KCNMA1: variants seen among roughly 807,000 people sequenced by gnomAD.
The protein encoded by KCNMA1 is Calcium-activated potassium channel subunit alpha-1.
In KCNMA1, 29 loss-of-function variants were observed where a neutral mutation model predicts 140.0. The observed-to-expected ratio is 0.21, with a 90% CI of 0.15 to 0.28. The LOEUF (loss-of-function observed/expected upper bound fraction) is 0.28, where lower values mean the gene tolerates loss of function less well. KCNMA1 is among the 10% of genes least tolerant of loss of function. The probability of loss-of-function intolerance (pLI) is 1.00; values close to 1 mark genes in which losing one functional copy is unlikely to be tolerated. For synonymous variants in KCNMA1, 612 were observed against 611.9 expected, an observed-to-expected ratio of 1.00 and a Z score of 0.00; for missense variants, 880 against 1,602.2, an observed-to-expected ratio of 0.55 and a Z score of 7.70.
chr10:77,079,228 C>A, intron 13 of KCNMA1, among the ~76,000 whole-genome samples: 1 of 152,002 alleles, frequency 6.6e-6, no homozygotes. Context: ...CAAGATCATG[C>A]CATTGCACTC....
Position 77,183,537 on chromosome 10 carries a change from G to A in KCNMA1, c.697-5C>T, listed in dbSNP as rs2098819120. 6.3e-7 allele frequency: 1 copy of A among 1,587,998 alleles called. No homozygotes were observed. The highest frequency in any genetic ancestry group is 8.6e-7 in the Non-Finnish European group (1 of 1,157,010). ...TTTATCGTTGGCTGCAATAAACTGG[G>A]GGAAAGAAGAAATAAGAAAGAGAAA... On this transcript the variant is annotated splice_region_variant and splice_polypyrimidine_tract_variant and intron_variant, in intron 4 of 27. Coordinates refer to ENST00000286628, the MANE Select transcript of KCNMA1 (RefSeq NM_001161352.2).
chr10:77,245,458 C>G (rs1195381317), intron 3 of KCNMA1, among the ~76,000 whole-genome samples: 1 of 152,190 alleles, frequency 6.6e-6, no homozygotes, highest in Non-Finnish European at 1.5e-5. Context: ...GGCAGTGGGT[C>G]TACACCTGTG....
chr10:77,501,345 C>T (rs2043807484), intron 1 of KCNMA1, among the ~76,000 whole-genome samples: 1 of 152,214 alleles, frequency 6.6e-6, no homozygotes, highest in South Asian at 2.1e-4. Flanking sequence ...AGCCCCACTG[C>T]TCTCCTGCCT....
Position 76,891,531 on chromosome 10 carries a change from G to A in KCNMA1, c.3336C>T (p.Asp1112=). Residue 1112 remains aspartate, a synonymous_variant, in exon 26 of 28, where the codon GAC becomes GAT. Coordinates refer to ENST00000286628, the MANE Select transcript of KCNMA1 (RefSeq NM_001161352.2). ...CTCGGTGCTGTGGACTCACCCCTAAGTCCGCAAATGGCCCATCGAGCAGAG... is the reference window on the plus strand; with the variant it reads ...CTCGGTGCTGTGGACTCACCCCTAAATCCGCAAATGGCCCATCGAGCAGAG... ...QLALLDGPFA[D]LGDGGCYGDL... 4 of 1,612,874 alleles carry A rather than the reference G, an allele frequency of 2.5e-6. No individual in the cohort carries two copies. The African/African-American group carries it at 4.0e-5, about 16-fold the overall frequency.
rs529407298 is a variant in KCNMA1, at chr10:77,422,057, C to G, written c.379-18034G>C. On this transcript the variant is annotated intron_variant, in intron 1 of 27. Coordinates refer to ENST00000286628, the MANE Select transcript of KCNMA1 (RefSeq NM_001161352.2). ...CAGCATAGCAAAAGCTCAGAGATAG[C>G]CTTCAGTCAAGGAACCTGTTCAACA... Among the ~76,000 whole-genome samples, 7 of 152,344 alleles carry G rather than the reference C, an allele frequency of 4.6e-5. No homozygotes were observed. The South Asian group carries it at 1.0e-3, about 23-fold the overall frequency.
rs576038307 is a variant in KCNMA1, at chr10:77,414,727, T to G, written c.379-10704A>C. On this transcript the variant is annotated intron_variant, in intron 1 of 27. Transcript: ENST00000286628. ...CTGGTCTGGAACTCCTGACCTCAAG[T>G]GATCTGCCCGCCTCAGCCTCCCAAA... Among the ~76,000 whole-genome samples the G allele has an allele frequency of 1.1e-4, 17 of 152,096 alleles. No individual in the cohort carries two copies. The East Asian group carries it at 2.1e-3, about 19-fold the overall frequency.
chr10:77,259,780 G>A (rs2061568008), intron 2 of KCNMA1, among the ~76,000 whole-genome samples: 1 of 152,170 alleles, frequency 6.6e-6, no homozygotes, highest in South Asian at 2.1e-4. Flanking sequence ...GTAGCAGTTA[G>A]CAAAGCAGCA....
chr10:76,911,545 A>T (rs1590305665), intron 24 of KCNMA1: 1 of 152,346 alleles, frequency 6.6e-6, no homozygotes, highest in Admixed American at 6.5e-5. Flanking sequence ...CAGCTCTCTC[A>T]TGAGGCTGTC....
At chr10:77,000,316 T>C (rs2085806184) in intron 19 of KCNMA1, among the ~76,000 whole-genome samples, 1 of 152,160 alleles carries the variant, frequency 6.6e-6, no homozygotes, top group Non-Finnish European at 1.5e-5. Flanking sequence ...TCAAGTAAAG[T>C]CCTCCAGTGG....
intron 5 of KCNMA1, among the ~76,000 whole-genome samples, chr10:77,158,939 G>A (rs1481441662): frequency 6.6e-6 from 1 of 152,288 alleles, no homozygotes; most frequent in East Asian, 1.9e-4. Context: ...TAATAACCTT[G>A]AGCAACGGCA....
intron 1 of KCNMA1, among the ~76,000 whole-genome samples, chr10:77,427,720 C>CATTT (rs771995453): frequency 0.098 from 6,623 of 67,570 alleles, 187 homozygotes; most frequent in Middle Eastern, 0.14. Context: ...TCCATCCATT[C>CATTT]ATTTATTTAT....
chr10:77,251,141 A>G (rs2059586900), intron 3 of KCNMA1, 54 bp downstream of exon 3: 1 of 1,365,678 alleles, frequency 7.3e-7, no homozygotes, highest in African/African-American at 1.4e-5. Flanking sequence ...GATCAATGTA[A>G]AGGCTCATGA....
At chr10:77,610,537 T>C (rs546795389) in intron 1 of KCNMA1, among the ~76,000 whole-genome samples, 108 of 152,346 alleles carry the variant, frequency 7.1e-4, no homozygotes, top group African/African-American at 2.5e-3. Flanking sequence ...CTGTCTCTTT[T>C]CTGCTGGGAA....
chr10:77,196,882 C>CA (rs2040673369), intron 3 of KCNMA1, among the ~76,000 whole-genome samples: 1 of 151,324 alleles, frequency 6.6e-6, no homozygotes, highest in Non-Finnish European at 1.5e-5. Flanking sequence ...TTTGAAATGA[C>CA]AAAAAAAGAA....
intron 23 of KCNMA1, among the ~76,000 whole-genome samples, chr10:76,943,482 C>A (rs770128664): frequency 6.6e-6 from 1 of 152,182 alleles, no homozygotes; most frequent in Non-Finnish European, 1.5e-5. Context: ...CTCAGAGAAG[C>A]CCCAGCCCCT....
intron 1 of KCNMA1, among the ~76,000 whole-genome samples, chr10:77,571,128 T>C (rs1287010688): frequency 1.3e-5 from 2 of 152,202 alleles, no homozygotes; most frequent in Non-Finnish European, 2.9e-5. Context: ...TGTTTCTTCC[T>C]CATTTGTTTC....
intron 2 of KCNMA1, among the ~76,000 whole-genome samples, chr10:77,311,709 C>T (rs2154344740): frequency 6.6e-6 from 1 of 152,294 alleles, no homozygotes; most frequent in African/African-American, 2.4e-5. Context: ...TTTGTCTAAC[C>T]TGGCCAGTGA....
At chr10:77,513,624 G>A (rs1567252509) in intron 1 of KCNMA1, among the ~76,000 whole-genome samples, 1 of 152,194 alleles carries the variant, frequency 6.6e-6, no homozygotes, top group African/African-American at 2.4e-5. Flanking sequence ...GGGAGAAGAG[G>A]GATGAGGAAT....
chr10:77,358,507 C>T (rs866094863), intron 2 of KCNMA1, among the ~76,000 whole-genome samples: 2 of 152,286 alleles, frequency 1.3e-5, no homozygotes, highest in Middle Eastern at 3.4e-3. Context: ...TAGGACCTAA[C>T]AAGTGATTGG....
Sources: gnomAD v4.1 joint callset for allele counts (sites outside exome capture counted in the v4.1 genomes callset) on GRCh38, gnomAD v4.1.1 for gene constraint, MANE v1.5 for transcripts, NCBI Gene and HGNC (gene_info 2026-07-23, HGNC 2026-07-21) for gene names.